Variants in LRRC4C observed in about 807,000 individuals in gnomAD.
LRRC4C encodes the protein leucine-rich repeat-containing protein 4C.
Under a neutral mutation model 33.6 loss-of-function variants are expected in LRRC4C, and 5 were observed. That is an observed-to-expected ratio of 0.15 (90% CI 0.08 to 0.31). LRRC4C has a LOEUF of 0.31. Among genes scored for constraint, LRRC4C ranks in the 10% least tolerant of loss-of-function variants. LRRC4C has a pLI of 1.00. For missense variants in LRRC4C, 560 were observed against 796.7 expected, an observed-to-expected ratio of 0.70 and a Z score of 3.58; for synonymous variants, 329 against 302.0, an observed-to-expected ratio of 1.09 and a Z score of -0.93.
chr11:41,328,028 C>T (rs917936507), intron 1 of LRRC4C, among the ~76,000 whole-genome samples: 2 of 152,122 alleles, frequency 1.3e-5, no homozygotes, highest in Non-Finnish European at 2.9e-5. Context: ...CCTTTGTAGG[C>T]ACCATGTCCT....
At chr11:41,210,926 T>C (rs1946796421) in intron 1 of LRRC4C, among the ~76,000 whole-genome samples, 1 of 152,138 alleles carries the variant, frequency 6.6e-6, no homozygotes, top group Admixed American at 6.6e-5. Flanking sequence ...TAGAGTCTCA[T>C]AAGGAGCATG....
At chr11:40,537,402 T>C (rs1165642688) in intron 3 of LRRC4C, among the ~76,000 whole-genome samples, 1 of 152,174 alleles carries the variant, frequency 6.6e-6, no homozygotes, top group African/African-American at 2.4e-5. Context: ...TAAGGCTGAA[T>C]TTGAACTCCA....
chr11:41,344,987 CCT>C lies in LRRC4C; in HGVS notation c.-496+114442_-496+114443del, dbSNP rs1046820312. Among the ~76,000 whole-genome samples the C allele has an allele frequency of 1.0e-3, 152 of 151,790 alleles. 1 individual carries two copies. Among genetic ancestry groups the C allele is most frequent in the African/African-American group, 3.4e-3 (141 of 41,318 alleles). On this transcript the variant is annotated intron_variant, in intron 1 of 6. Transcript: ENST00000528697. ...ATCATTATTAACTGTTTTTTTTTCC[CCT>C]GTTTCCTGGGGAACTATTGACTATT...
intron 1 of LRRC4C, among the ~76,000 whole-genome samples, chr11:41,002,453 T>C (rs1449256533): frequency 1.3e-5 from 2 of 152,170 alleles, no homozygotes; most frequent in Non-Finnish European, 2.9e-5. Flanking sequence ...GAAGCCAGGT[T>C]TCTAAGAAGA....
chr11:41,006,117 C>T (rs1400045742), intron 1 of LRRC4C, among the ~76,000 whole-genome samples: 1 of 152,140 alleles, frequency 6.6e-6, no homozygotes, highest in Non-Finnish European at 1.5e-5. Context: ...ATGCTTTAAG[C>T]ATTCTGCAAA....
chr11:40,309,325 T>G (rs1371937075), intron 4 of LRRC4C, among the ~76,000 whole-genome samples: 1 of 152,230 alleles, frequency 6.6e-6, no homozygotes, highest in Non-Finnish European at 1.5e-5. Context: ...GTCTTGTGTG[T>G]CTGGCTTCTC....
chr11:41,048,260 C>CTTTTTTTT (rs35599405), intron 1 of LRRC4C, among the ~76,000 whole-genome samples: 2 of 107,102 alleles, frequency 1.9e-5, no homozygotes, highest in Admixed American at 1.2e-4. Flanking sequence ...AGATTCTTTA[C>CTTTTTTTT]TTTTTTTTTT....
chr11:41,454,093 C>T (rs1956108435), intron 1 of LRRC4C, among the ~76,000 whole-genome samples: 5 of 151,976 alleles, frequency 3.3e-5, no homozygotes, highest in Admixed American at 3.3e-4. Flanking sequence ...AGGACAAAAC[C>T]CTGTTCTCTC....
At chr11:40,212,783 G>A (rs1863697319) in intron 5 of LRRC4C, among the ~76,000 whole-genome samples, 2 of 152,042 alleles carry the variant, frequency 1.3e-5, no homozygotes, top group South Asian at 2.1e-4. Flanking sequence ...ATTCAATACC[G>A]ACGTCAAGAT....
intron 1 of LRRC4C, among the ~76,000 whole-genome samples, chr11:41,403,462 T>C (rs945412521): frequency 2.0e-5 from 3 of 152,086 alleles, no homozygotes; most frequent in Admixed American, 2.0e-4. Flanking sequence ...AAAATTCACA[T>C]GCTTAAATCA....
At chr11:40,166,359 C>A (rs1434743491) in intron 5 of LRRC4C, among the ~76,000 whole-genome samples, 1 of 152,136 alleles carries the variant, frequency 6.6e-6, no homozygotes, top group Non-Finnish European at 1.5e-5. Flanking sequence ...ACAAAGAAAT[C>A]TCATATAATT....
At chr11:40,698,347 T>G (rs2136462925) in intron 2 of LRRC4C, among the ~76,000 whole-genome samples, 1 of 152,320 alleles carries the variant, frequency 6.6e-6, no homozygotes, top group African/African-American at 2.4e-5. Flanking sequence ...GGTTGAGGTT[T>G]CTTCATACGC....
intron 1 of LRRC4C, among the ~76,000 whole-genome samples, chr11:41,383,141 A>G (rs1953221592): frequency 6.6e-6 from 1 of 152,068 alleles, no homozygotes. Flanking sequence ...AAGGTCTGCA[A>G]TTGCTTATCA....
At chr11:40,710,393 G>T (rs936498722) in intron 2 of LRRC4C, among the ~76,000 whole-genome samples, 1 of 152,092 alleles carries the variant, frequency 6.6e-6, no homozygotes, top group Non-Finnish European at 1.5e-5. Flanking sequence ...TATCCTTTTT[G>T]TTGATGTTGA....
chr11:41,255,549 A>T (rs1948772474), intron 1 of LRRC4C, among the ~76,000 whole-genome samples: 1 of 151,938 alleles, frequency 6.6e-6, no homozygotes, highest in Non-Finnish European at 1.5e-5. Flanking sequence ...CTTTTTCTGT[A>T]TTCATTTTTA....
intron 1 of LRRC4C, among the ~76,000 whole-genome samples, chr11:40,978,787 AT>A (rs374981105): frequency 7.5e-5 from 11 of 147,276 alleles, no homozygotes; most frequent in African/African-American, 1.2e-4. Context: ...ATGCCCGGCT[AT>A]TTTTTTTTTC....
At chr11:40,357,937 C>T (rs1229620190) in intron 3 of LRRC4C, among the ~76,000 whole-genome samples, 2 of 152,140 alleles carry the variant, frequency 1.3e-5, no homozygotes, top group South Asian at 2.1e-4. Flanking sequence ...ATAATCCCAG[C>T]ACTTTGGGAG....
intron 1 of LRRC4C, among the ~76,000 whole-genome samples, chr11:41,284,900 T>C (rs1949776738): frequency 6.6e-6 from 1 of 152,218 alleles, no homozygotes; most frequent in African/African-American, 2.4e-5. Context: ...CACAAAGTTA[T>C]GAGTACCTAG....
intron 1 of LRRC4C, chr11:41,222,830 C>CAAAAAA (rs57071602): frequency 2.0e-5 from 1 of 49,244 alleles, no homozygotes; most frequent in African/African-American, 7.0e-5. Flanking sequence ...TTTTTCCTCT[C>CAAAAAA]AAAAAAAAAA....
Sources: gnomAD v4.1 joint callset for allele counts (sites outside exome capture counted in the v4.1 genomes callset) on GRCh38, gnomAD v4.1.1 for gene constraint, MANE v1.5 for transcripts, NCBI Gene and HGNC (gene_info 2026-07-23, HGNC 2026-07-21) for gene names.